Variants in SCML4 observed in about 807,000 individuals in gnomAD.
SCML4 encodes the protein Scm polycomb group protein like 4.
A neutral mutation model predicts 41.1 loss-of-function variants in SCML4; 34 were observed. The ratio of observed to expected loss-of-function variants is 0.83; its 90% CI spans 0.63 to 1.10. SCML4 has a LOEUF of 1.10. SCML4 is among the 50% of genes least tolerant of loss of function. The pLI, the probability that SCML4 is intolerant of heterozygous loss-of-function variation, is 0.00. For missense variants in SCML4, 522 were observed against 534.1 expected (o/e 0.98, Z 0.22); for synonymous variants, 214 against 220.9 (o/e 0.97, Z 0.28).
intron 1 of SCML4, among the ~76,000 whole-genome samples, chr6:107,776,222 C>G (rs939187820): frequency 6.6e-6 from 1 of 151,988 alleles, no homozygotes; most frequent in African/African-American, 2.4e-5. Context: ...GAAAATAAAG[C>G]TAAGGAAACT....
chr6:107,829,454 T>C, the SCML4 span, among the ~76,000 whole-genome samples: 1 of 152,184 alleles, frequency 6.6e-6, no homozygotes, highest in Non-Finnish European at 1.5e-5. Flanking sequence ...TTAATATTTT[T>C]CCTTTATATG....
intron 5 of SCML4, chr6:107,744,054 T>G (rs1777834190): frequency 6.6e-6 from 1 of 152,244 alleles, no homozygotes; most frequent in Admixed American, 6.5e-5. Flanking sequence ...AGAAGAGGGT[T>G]CACCAAATGT....
intron 5 of SCML4, among the ~76,000 whole-genome samples, chr6:107,726,177 A>G (rs1046576315): frequency 1.3e-5 from 2 of 152,014 alleles, no homozygotes. Flanking sequence ...GGACTTGTAT[A>G]TCTTGTAAAA....
chr6:107,761,797 GAAA>G (rs1323593078), intron 2 of SCML4, among the ~76,000 whole-genome samples: 1 of 59,720 alleles, frequency 1.7e-5, no homozygotes, highest in Non-Finnish European at 3.5e-5. Flanking sequence ...TCTACACCCA[GAAA>G]AAAAAGTCTT....
the SCML4 span, among the ~76,000 whole-genome samples, chr6:107,832,805 G>C: frequency 2.6e-5 from 4 of 152,328 alleles, no homozygotes; most frequent in Admixed American, 6.5e-5. Flanking sequence ...GTAGAGGATA[G>C]GGTGCTGCGC....
At position 107,707,216 on chromosome 6, in the gene SCML4, T is replaced by G. The variant is rs530788750; in HGVS notation, c.1119+650A>C. On this transcript the variant is annotated intron_variant, in intron 7 of 7. Transcript: ENST00000369020. The stretch of plus-strand genomic sequence containing the variant: ...CTCGGGTGGGCTGAGGCACAAGAAT[T>G]GCTTGAACTGGGAAGGCAGAGGCTG... Among the ~76,000 whole-genome samples, 24 of 152,168 alleles carry G rather than the reference T, an allele frequency of 1.6e-4. No homozygotes were observed. In the South Asian group the frequency reaches 4.6e-3, roughly 29 times the overall value.
chr6:107,741,431 C>T (rs1777588903), intron 5 of SCML4, among the ~76,000 whole-genome samples: 1 of 152,214 alleles, frequency 6.6e-6, no homozygotes, highest in South Asian at 2.1e-4. Context: ...GGAGGCCTGT[C>T]CTTGCCTTAA....
intron 5 of SCML4, among the ~76,000 whole-genome samples, chr6:107,734,181 A>G (rs1460067496): frequency 1.3e-5 from 2 of 152,156 alleles, no homozygotes; most frequent in Middle Eastern, 3.2e-3. Flanking sequence ...AACAGTAGAA[A>G]GCCTGCAAGG....
rs1200284260 is a variant in SCML4 at position 107,824,172 on chromosome 6, G to C, written c.-106C>G. The C allele has an allele frequency of 6.6e-6, 1 of 152,182 alleles. No individual in the cohort carries two copies. Among genetic ancestry groups the C allele is most frequent in the East Asian group, 1.9e-4 (1 of 5,202 alleles). 9.4% of individuals were successfully genotyped at this position (152,182 alleles called of 1,614,324 possible). A position where few individuals can be genotyped will look rare whatever the true frequency, so the allele number is the denominator to read the frequency against. Reference sequence around the variant, plus strand: ...CCTGAGCAGGTTGTTTACCAGGTCGGGAGTGTTGACTCAGAAGACAGATGA... The same window carrying C: ...CCTGAGCAGGTTGTTTACCAGGTCGCGAGTGTTGACTCAGAAGACAGATGA... On this transcript the variant is annotated 5_prime_UTR_variant, in exon 1 of 8. Transcript: ENST00000369020.
chr6:107,708,478 C>T (rs941171788), intron 6 of SCML4, among the ~76,000 whole-genome samples: 1 of 152,158 alleles, frequency 6.6e-6, no homozygotes, highest in African/African-American at 2.4e-5. Context: ...GCCTCCATGG[C>T]CTTCACATTG....
At chr6:107,720,230 G>A in intron 6 of SCML4, 1 of 669,456 alleles carries the variant, frequency 1.5e-6, no homozygotes, top group Non-Finnish European at 1.8e-6. Flanking sequence ...CCAATGAGAT[G>A]TGAGTGGAAG....
chr6:107,765,141 A>G (rs1583526609), intron 2 of SCML4, among the ~76,000 whole-genome samples: 2 of 152,318 alleles, frequency 1.3e-5, no homozygotes, highest in African/African-American at 4.8e-5. Context: ...TGCAACACCA[A>G]CAATCTTTAG....
intron 6 of SCML4, among the ~76,000 whole-genome samples, chr6:107,718,132 T>TA (rs1450009058): frequency 6.6e-6 from 1 of 152,220 alleles, no homozygotes; most frequent in African/African-American, 2.4e-5. Context: ...TCCAGGATGA[T>TA]ATGAGTTAGC....
intron 1 of SCML4, among the ~76,000 whole-genome samples, chr6:107,811,430 C>T (rs945661024): frequency 2.0e-5 from 3 of 152,180 alleles, no homozygotes; most frequent in African/African-American, 7.2e-5. Context: ...TACCCCTACT[C>T]CTCTCTCCAG....
chr6:107,789,625 T>C (rs1427852952), intron 1 of SCML4, among the ~76,000 whole-genome samples: 1 of 152,118 alleles, frequency 6.6e-6, no homozygotes, highest in African/African-American at 2.4e-5. Flanking sequence ...TGGCCAATAA[T>C]CACAAACACA....
chr6:107,753,748 A>C (rs80217396), intron 2 of SCML4, among the ~76,000 whole-genome samples: 9 of 152,322 alleles, frequency 5.9e-5, no homozygotes, highest in East Asian at 5.8e-4. Context: ...AGAGAGAAAA[A>C]TTGATTGTAC....
chr6:107,785,887 G>C (rs1781852354), intron 1 of SCML4, among the ~76,000 whole-genome samples: 1 of 152,158 alleles, frequency 6.6e-6, no homozygotes, highest in South Asian at 2.1e-4. Flanking sequence ...GAGGGGCAGA[G>C]CCTGGCGCAT....
At chr6:107,813,414 ATATATATAT>A (rs2114281929) in intron 1 of SCML4, among the ~76,000 whole-genome samples, 2 of 19,914 alleles carry the variant, frequency 1.0e-4, no homozygotes, top group Non-Finnish European at 1.3e-4. Context: ...ATATATATAT[ATATATATAT>A]AAAACTGTAA....
chr6:107,805,098 G>A (rs74768540), intron 1 of SCML4, among the ~76,000 whole-genome samples: 1,741 of 152,274 alleles, frequency 0.011, 32 homozygotes, highest in African/African-American at 0.039. Context: ...AGGAAAAAAT[G>A]GCTATAGGAA....
Sources: gnomAD v4.1 joint callset for allele counts (sites outside exome capture counted in the v4.1 genomes callset) on GRCh38, gnomAD v4.1.1 for gene constraint, MANE v1.5 for transcripts, NCBI Gene and HGNC (gene_info 2026-07-23, HGNC 2026-07-21) for gene names.